Variants in RPS29 observed in about 807,000 individuals in gnomAD.
RPS29 encodes ribosomal protein S29, also known as small ribosomal subunit protein uS14.
For synonymous variants in RPS29, 37 were observed against 26.9 expected, an observed-to-expected ratio of 1.37 and a Z score of -1.16; for missense variants, 60 against 75.7, an observed-to-expected ratio of 0.79 and a Z score of 0.77.
At chr14:49,598,565 A>C (rs183186359) in exon 1 of RPS29, 2 of 702,096 alleles carry the variant, frequency 2.8e-6, no homozygotes, top group Non-Finnish European at 5.2e-6. Flanking sequence ...GGCCACTCAG[A>C]CAGTTCTAAG....
chr14:49,581,201 G>GA (rs930322782), downstream of RPS29, among the ~76,000 whole-genome samples: 9 of 150,880 alleles, frequency 6.0e-5, no homozygotes, highest in East Asian at 5.8e-4. Flanking sequence ...AAAAAAAAAA[G>GA]AAAAAAAAAT....
Position 49,591,456 on chromosome 14 carries a change from C to T in RPS29, c.-132-4978G>A, listed in dbSNP as rs543081288. Among the ~76,000 whole-genome samples, 13 of 151,942 alleles carry T rather than the reference C, an allele frequency of 8.6e-5. No homozygotes were observed. In the East Asian group the frequency reaches 2.1e-3, roughly 25 times the overall value. Reference sequence around the variant, plus strand: ...CCTCCCAAGTAGCTGGGATTACAGGCGCATGTCACCACACCCAGCTAATTT... The same window carrying T: ...CCTCCCAAGTAGCTGGGATTACAGGTGCATGTCACCACACCCAGCTAATTT... On this transcript the variant is annotated intron_variant, in intron 1 of 3. Coordinates refer to the RPS29 transcript ENST00000556230.
At chr14:49,579,471 G>C (rs150192233), downstream of RPS29, among the ~76,000 whole-genome samples, 7 of 152,296 alleles carry the variant, frequency 4.6e-5, no homozygotes, top group East Asian at 1.3e-3. Context: ...GGAGACCAAG[G>C]CAAGAGGATC....
At chr14:49,582,165 G>A (rs757937212), downstream of RPS29, among the ~76,000 whole-genome samples, 2 of 152,154 alleles carry the variant, frequency 1.3e-5, no homozygotes, top group African/African-American at 2.4e-5. Context: ...GGGCACAGTA[G>A]TGCACACCTG....
downstream of RPS29, among the ~76,000 whole-genome samples, chr14:49,581,892 T>C (rs548291208): frequency 1.3e-5 from 2 of 151,582 alleles, no homozygotes; most frequent in African/African-American, 4.8e-5. Context: ...GGCATGGTGG[T>C]GTACACCATG....
rs765594298 is a variant in RPS29, at chr14:49,586,364, A to T, written c.-18T>A. The T allele has an allele frequency of 1.9e-6, 3 of 1,612,872 alleles. No individual in the cohort carries two copies. Among genetic ancestry groups the T allele is most frequent in the Non-Finnish European group, 2.5e-6 (3 of 1,178,808 alleles). On this transcript the variant is annotated 5_prime_UTR_variant, in exon 1 of 3. Transcript: ENST00000245458. ...TGACCCATCTTGCTCTCAGCAGTGC[A>T]ACGAGGTAAAAGGAAGAAGCTGGCC...
downstream of RPS29, among the ~76,000 whole-genome samples, chr14:49,582,602 G>A (rs1881372687): frequency 2.0e-5 from 3 of 152,220 alleles, 1 homozygote; most frequent in South Asian, 4.1e-4. Context: ...TTCTGCATCT[G>A]GCATACAGAA....
intron 2 of RPS29, 56 bp downstream of exon 2, chr14:49,585,891 AAAT>A: frequency 7.4e-7 from 1 of 1,352,016 alleles, no homozygotes; most frequent in Non-Finnish European, 1.1e-6. Context: ...TTCGCGGAAA[AAAT>A]AACCCCCACA....
At chr14:49,572,178 A>G (rs1271639895) in exon 3 of RPS29, 1 of 152,222 alleles carries the variant, frequency 6.6e-6, no homozygotes, top group Non-Finnish European at 1.5e-5. Flanking sequence ...TCGAACTCCT[A>G]ACCTCAGGTG....
At chr14:49,585,857 C>A in intron 2 of RPS29, 93 bp downstream of exon 2, 1 of 962,422 alleles carries the variant, frequency 1.0e-6, no homozygotes, top group Non-Finnish European at 1.7e-6. Flanking sequence ...ATTACCACTC[C>A]AGGGAAGATC....
chr14:49,576,189 T>C (rs940451543), exon 3 of RPS29: 17 of 152,048 alleles, frequency 1.1e-4, no homozygotes, highest in African/African-American at 3.9e-4. Flanking sequence ...GCTCAAGTTA[T>C]CCTCTCATCT....
chr14:49,583,392 A>T (rs564429271), downstream of RPS29, among the ~76,000 whole-genome samples: 180 of 152,242 alleles, frequency 1.2e-3, 1 homozygote, highest in African/African-American at 4.3e-3. Context: ...TCTACTAAAA[A>T]GAGAAGAATT....
chr14:49,582,388 C>T (rs781014387), downstream of RPS29, among the ~76,000 whole-genome samples: 1 of 152,198 alleles, frequency 6.6e-6, no homozygotes, highest in Non-Finnish European at 1.5e-5. Context: ...CTGATTCCAT[C>T]CAGGAATTCT....
downstream of RPS29, among the ~76,000 whole-genome samples, chr14:49,581,641 A>G (rs1040494561): frequency 1.3e-5 from 2 of 152,130 alleles, no homozygotes; most frequent in Non-Finnish European, 2.9e-5. Context: ...GGCCTCCCCA[A>G]GTGCTGGGAA....
chr14:49,587,617 A>G (rs917453497), upstream of RPS29, among the ~76,000 whole-genome samples: 1 of 152,230 alleles, frequency 6.6e-6, no homozygotes, highest in Non-Finnish European at 1.5e-5. Context: ...TTTGTAAACT[A>G]GATATAACTT....
chr14:49,577,877 T>C (rs1471991090), intron 2 of RPS29: 1 of 1,564,816 alleles, frequency 6.4e-7, no homozygotes. Flanking sequence ...AGAGGACCCA[T>C]AAAAAGTGAA....
chr14:49,593,207 T>C (rs2053983), intron 1 of RPS29, among the ~76,000 whole-genome samples: 29,398 of 152,228 alleles, frequency 0.19, 3,083 homozygotes, highest in Admixed American at 0.28. Flanking sequence ...AAAGCAGTAT[T>C]TGTTTATTCT....
rs570121677 is a variant in RPS29 at position 49,595,926 on chromosome 14, T to A, written c.-133+2474A>T. Among the ~76,000 whole-genome samples, 6 of 150,610 alleles carry A rather than the reference T, an allele frequency of 4.0e-5. No individual in the cohort carries two copies. The South Asian group carries it at 1.3e-3, about 32-fold the overall frequency. ...TACTCAGGAGGCTGAGGCAGGAGAATCGCTTGAGCCGGGGAGGCTGAGGTT... is the reference window on the plus strand; with the variant it reads ...TACTCAGGAGGCTGAGGCAGGAGAAACGCTTGAGCCGGGGAGGCTGAGGTT... On this transcript the variant is annotated intron_variant, in intron 1 of 3. Coordinates refer to the RPS29 transcript ENST00000556230.
exon 3 of RPS29, chr14:49,577,762 C>A: frequency 6.9e-7 from 1 of 1,454,446 alleles, no homozygotes; most frequent in Non-Finnish European, 9.6e-7. Context: ...TTTTGATGAT[C>A]TTGGGCTTCG....
Sources: allele counts gnomAD v4.1 joint callset (sites outside exome capture counted in the v4.1 genomes callset), GRCh38; gene constraint gnomAD v4.1.1; transcripts MANE v1.5; gene names NCBI Gene and HGNC (gene_info 2026-07-23, HGNC 2026-07-21).